The following MAML3 variants were observed in gnomAD, a reference collection of about 807,000 sequenced individuals.
The protein encoded by MAML3 is mastermind-like protein 3.
A neutral mutation model predicts 101.9 loss-of-function variants in MAML3; 27 were observed. That is an observed-to-expected ratio of 0.27 (90% CI 0.20 to 0.37). The LOEUF (loss-of-function observed/expected upper bound fraction) is 0.37, where lower values mean the gene tolerates loss of function less well. Ranked by LOEUF, MAML3 falls within the 10% of genes least tolerant of loss-of-function variation. The probability of loss-of-function intolerance (pLI) is 1.00; values close to 1 mark genes in which losing one functional copy is unlikely to be tolerated. For synonymous variants in MAML3, 501 were observed against 555.9 expected (o/e 0.90, Z 1.39); for missense variants, 1,316 against 1,444.9 (o/e 0.91, Z 1.45).
At chr4:139,989,904 G>A (rs897682912) in intron 1 of MAML3, among the ~76,000 whole-genome samples, 21 of 150,532 alleles carry the variant, frequency 1.4e-4, no homozygotes, top group Non-Finnish European at 2.8e-4. Context: ...GAGAGAGAAA[G>A]AGAGAGAGAG....
chr4:140,029,036 C>T (rs747708369), intron 1 of MAML3, among the ~76,000 whole-genome samples: 4 of 152,142 alleles, frequency 2.6e-5, no homozygotes, highest in Non-Finnish European at 5.9e-5. Flanking sequence ...GAGTAAAGCA[C>T]CTGCCCCAAT....
At chr4:140,046,849 CTA>C (rs758083766) in intron 1 of MAML3, among the ~76,000 whole-genome samples, 38 of 152,044 alleles carry the variant, frequency 2.5e-4, no homozygotes, top group Non-Finnish European at 5.0e-4. Context: ...TAAATGCAGT[CTA>C]TATATATTAT....
At chr4:140,089,873 T>C (rs1335144710) in intron 1 of MAML3, among the ~76,000 whole-genome samples, 1 of 152,206 alleles carries the variant, frequency 6.6e-6, no homozygotes, top group Non-Finnish European at 1.5e-5. Context: ...TCCTGCTGCC[T>C]TGGCCTCCCA....
intron 1 of MAML3, among the ~76,000 whole-genome samples, chr4:139,996,340 A>G (rs1273979422): frequency 6.6e-6 from 1 of 152,206 alleles, no homozygotes; most frequent in African/African-American, 2.4e-5. Flanking sequence ...TTATCCTATC[A>G]AATAGTGAGA....
chr4:140,023,667 T>G (rs1184265361), intron 1 of MAML3, among the ~76,000 whole-genome samples: 1 of 152,240 alleles, frequency 6.6e-6, no homozygotes, highest in Admixed American at 6.5e-5. Flanking sequence ...CATTTAAATA[T>G]GCAAGTTTAA....
At chr4:140,138,478 C>T (rs966474620) in intron 1 of MAML3, among the ~76,000 whole-genome samples, 1 of 152,224 alleles carries the variant, frequency 6.6e-6, no homozygotes, top group African/African-American at 2.4e-5. Flanking sequence ...TAAACCACCT[C>T]TGTTTACCAA....
At chr4:140,008,252 C>G (rs1726489874) in intron 1 of MAML3, among the ~76,000 whole-genome samples, 1 of 152,156 alleles carries the variant, frequency 6.6e-6, no homozygotes, top group African/African-American at 2.4e-5. Context: ...GAAGCTGAGG[C>G]AGGAGAATCG....
chr4:140,104,852 T>C (rs914022967), intron 1 of MAML3, among the ~76,000 whole-genome samples: 1 of 145,542 alleles, frequency 6.9e-6, no homozygotes, highest in Non-Finnish European at 1.5e-5. Context: ...TATAAAACTT[T>C]AATTTTTTTT....
At chr4:139,848,809 T>C (rs535351589) in intron 2 of MAML3, among the ~76,000 whole-genome samples, 1 of 152,324 alleles carries the variant, frequency 6.6e-6, no homozygotes, top group East Asian at 1.9e-4. Context: ...AGTCAATTTC[T>C]AGAGGAAATT....
intron 2 of MAML3, among the ~76,000 whole-genome samples, chr4:139,847,643 T>G (rs565505310): frequency 6.6e-6 from 1 of 152,304 alleles, no homozygotes; most frequent in African/African-American, 2.4e-5. Context: ...GTACAGGAGG[T>G]AAAATCTTCA....
intron 1 of MAML3, among the ~76,000 whole-genome samples, chr4:139,984,831 G>A (rs1734507987): frequency 6.6e-6 from 1 of 152,158 alleles, no homozygotes; most frequent in African/African-American, 2.4e-5. Flanking sequence ...CAAGTGAACT[G>A]GCTAGTGATG....
At chr4:139,978,484 T>A (rs908855139) in intron 1 of MAML3, among the ~76,000 whole-genome samples, 3 of 151,956 alleles carry the variant, frequency 2.0e-5, no homozygotes, top group Non-Finnish European at 4.4e-5. Flanking sequence ...AAAATGAAAA[T>A]CTGCAAATGC....
At chr4:140,116,589 T>C (rs948977393) in intron 1 of MAML3, among the ~76,000 whole-genome samples, 6 of 152,220 alleles carry the variant, frequency 3.9e-5, no homozygotes, top group African/African-American at 1.4e-4. Flanking sequence ...ACTGCCACTC[T>C]AACCTCTAAC....
At chr4:140,152,204 C>G (rs1167212085) in intron 1 of MAML3, among the ~76,000 whole-genome samples, 1 of 152,164 alleles carries the variant, frequency 6.6e-6, no homozygotes, top group African/African-American at 2.4e-5. Flanking sequence ...CGCGCTCCCG[C>G]GAGCACCCCC....
chr4:139,939,994 G>T (rs1733571369), intron 1 of MAML3, among the ~76,000 whole-genome samples: 3 of 152,072 alleles, frequency 2.0e-5, no homozygotes, highest in Non-Finnish European at 4.4e-5. Context: ...TCGAACTCCT[G>T]ACCTTGTGAT....
At chr4:139,864,507 C>T (rs1731852128) in intron 2 of MAML3, among the ~76,000 whole-genome samples, 1 of 151,824 alleles carries the variant, frequency 6.6e-6, no homozygotes, top group Non-Finnish European at 1.5e-5. Flanking sequence ...TGAAACCTGT[C>T]TCTACTAAAA....
At chr4:140,145,726 C>A (rs1177383725) in intron 1 of MAML3, among the ~76,000 whole-genome samples, 3 of 151,844 alleles carry the variant, frequency 2.0e-5, no homozygotes, top group Admixed American at 6.6e-5. Context: ...CCACCACGCC[C>A]GGCTAATTTT....
intron 1 of MAML3, among the ~76,000 whole-genome samples, chr4:140,151,406 A>C (rs936301113): frequency 6.6e-6 from 1 of 151,648 alleles, no homozygotes; most frequent in Non-Finnish European, 1.5e-5. Context: ...GGGAGCGAGC[A>C]CTGCGGCGTC....
Position 140,152,910 on chromosome 4 carries a change from G to T in MAML3, c.418C>A (p.Gln140Lys). The T allele has an allele frequency of 1.2e-6, 2 of 1,612,690 alleles. No individual in the cohort carries two copies. The highest frequency in any genetic ancestry group is 2.2e-5 in the South Asian group (2 of 90,978). Reference protein sequence around the residue: ...GKQQHPSKPQQDAEAASAEQR... With the variant: ...GKQQHPSKPQKDAEAASAEQR... ...TCCGCCGAGGCAGCCTCCGCATCTTGCTGGGGTTTGCTCGGGTGCTGCTGT... is the reference window on the plus strand; with the variant it reads ...TCCGCCGAGGCAGCCTCCGCATCTTTCTGGGGTTTGCTCGGGTGCTGCTGT... Residue 140 changes from glutamine to lysine, a missense_variant, in exon 1 of 5, where the codon CAA becomes AAA. Coordinates refer to ENST00000509479, the MANE Select transcript of MAML3 (RefSeq NM_018717.5).
Sources: allele counts gnomAD v4.1 joint callset (sites outside exome capture counted in the v4.1 genomes callset), GRCh38; gene constraint gnomAD v4.1.1; transcripts MANE v1.5; gene names NCBI Gene and HGNC (gene_info 2026-07-23, HGNC 2026-07-21).